Variants in NEBL observed in about 807,000 individuals in gnomAD.
NEBL encodes nebulette.
In NEBL, 122 loss-of-function variants were observed where a neutral mutation model predicts 140.2. The ratio of observed to expected loss-of-function variants is 0.87; its 90% CI spans 0.75 to 1.01. NEBL has a LOEUF of 1.01. NEBL is among the 50% of genes least tolerant of loss of function. The pLI is 0.00. For missense variants in NEBL, 1,365 were observed against 1,231.3 expected (o/e 1.11, Z -1.62); for synonymous variants, 436 against 398.9 (o/e 1.09, Z -1.11).
intron 2 of NEBL, among the ~76,000 whole-genome samples, chr10:21,150,232 T>C (rs1840084623): frequency 6.6e-6 from 1 of 152,252 alleles, no homozygotes; most frequent in African/African-American, 2.4e-5. Context: ...CTCATTTATG[T>C]GCGGCTTGCA....
upstream of NEBL, among the ~76,000 whole-genome samples, chr10:21,177,571 C>G (rs1162943766): frequency 1.3e-5 from 2 of 151,944 alleles, no homozygotes; most frequent in Non-Finnish European, 2.9e-5. Context: ...GCTCTGTCCC[C>G]CAGGCTGGAG....
intron 3 of NEBL, among the ~76,000 whole-genome samples, chr10:20,982,271 C>T (rs888543285): frequency 2.6e-5 from 4 of 152,216 alleles, no homozygotes; most frequent in Non-Finnish European, 5.9e-5. Flanking sequence ...TCAGATGGGA[C>T]TCCCCCTCTC....
rs11327218 is a variant in NEBL at position 21,279,756 on chromosome 10, TAA to T, written n.182+13072_182+13073del. 3.3e-3 allele frequency among the ~76,000 whole-genome samples: 442 copies of T among 135,614 alleles called. 1 individual carries two copies. The highest frequency in any genetic ancestry group is 4.2e-3 in the Admixed American group (56 of 13,462). 89.0% of individuals were successfully genotyped at this position (135,614 alleles called of 152,430 possible). ...CTGGGTGACAGAGCCAGAATCCATA[TAA>T]AAAAAAAAAAAAAAAGTAAAAACCA... is the stretch of plus-strand genomic sequence containing the variant. On this transcript the variant is annotated intron_variant and non_coding_transcript_variant, in intron 1 of 8. Coordinates refer to the NEBL transcript ENST00000675702.
At chr10:21,131,930 G>A (rs758427496) in intron 2 of NEBL, among the ~76,000 whole-genome samples, 1 of 152,054 alleles carries the variant, frequency 6.6e-6, no homozygotes, top group Non-Finnish European at 1.5e-5. Context: ...CTGCAAAAAG[G>A]CAGATACAGC....
chr10:21,202,450 C>A (rs911877949), intron 3 of NEBL, among the ~76,000 whole-genome samples: 5 of 133,320 alleles, frequency 3.8e-5, no homozygotes, highest in Non-Finnish European at 8.0e-5. Context: ...TCTAATTTTT[C>A]TTTTCTTTTT....
chr10:20,980,445 T>TGG, intron 3 of NEBL, among the ~76,000 whole-genome samples: 1 of 151,760 alleles, frequency 6.6e-6, no homozygotes, highest in African/African-American at 2.4e-5. Flanking sequence ...GAAAGAAAAG[T>TGG]AGAGAAGAAA....
intron 3 of NEBL, among the ~76,000 whole-genome samples, chr10:20,994,024 A>G (rs910150335): frequency 6.6e-6 from 1 of 152,208 alleles, no homozygotes; most frequent in Non-Finnish European, 1.5e-5. Flanking sequence ...AACTGCAGCC[A>G]TCTCACAACA....
rs1218170492 is a variant in NEBL at position 20,974,427 on chromosome 10, T to C, written c.250-12648A>G. Among the ~76,000 whole-genome samples the C allele has an allele frequency of 6.6e-5, 10 of 151,912 alleles. No homozygotes were observed. In the East Asian group the frequency reaches 1.9e-3, roughly 29 times the overall value. On this transcript the variant is annotated intron_variant, in intron 3 of 6. Coordinates refer to the NEBL transcript ENST00000417816. The stretch of plus-strand genomic sequence containing the variant: ...CTCCACCACATCCAGCTAATTTTTG[T>C]ATTTTGCGTAAAGATGGGGTTTTGC...
chr10:21,151,249 A>G (rs1564528618), intron 2 of NEBL, among the ~76,000 whole-genome samples: 1 of 152,212 alleles, frequency 6.6e-6, no homozygotes, highest in Non-Finnish European at 1.5e-5. Context: ...TGCTTCAGTC[A>G]ACAGTCATGA....
chr10:21,236,225 T>C (rs1242033974), intron 3 of NEBL, among the ~76,000 whole-genome samples: 1 of 152,226 alleles, frequency 6.6e-6, no homozygotes, highest in Non-Finnish European at 1.5e-5. Flanking sequence ...TTTGGAGTTA[T>C]AGCTAGAAAT....
intron 1 of NEBL, among the ~76,000 whole-genome samples, chr10:21,256,265 A>G (rs905572248): frequency 2.0e-5 from 3 of 151,960 alleles, no homozygotes; most frequent in Non-Finnish European, 2.9e-5. Flanking sequence ...ATGGGGTGTC[A>G]CCTTGTTGGC....
At chr10:20,944,622 C>G (rs1188610956) in intron 4 of NEBL, among the ~76,000 whole-genome samples, 4 of 152,158 alleles carry the variant, frequency 2.6e-5, no homozygotes, top group African/African-American at 9.7e-5. Context: ...CACCTGCCAA[C>G]CTGAGAGCAT....
At chr10:21,197,024 T>A (rs1477567774) in intron 3 of NEBL, among the ~76,000 whole-genome samples, 3 of 152,252 alleles carry the variant, frequency 2.0e-5, no homozygotes, top group African/African-American at 4.8e-5. Flanking sequence ...GTGATGGATC[T>A]CATAGTTACA....
chr10:20,992,680 C>G (rs1301003263), intron 3 of NEBL, among the ~76,000 whole-genome samples: 1 of 151,630 alleles, frequency 6.6e-6, no homozygotes, highest in Admixed American at 6.6e-5. Flanking sequence ...TGCCTTCCTT[C>G]CCTGAGCTAC....
intron 4 of NEBL, among the ~76,000 whole-genome samples, chr10:20,938,215 C>A (rs574491322): frequency 3.3e-5 from 5 of 152,186 alleles, no homozygotes; most frequent in Non-Finnish European, 5.9e-5. Context: ...ACACCTCACA[C>A]GGCTGGGTAC....
At chr10:21,087,842 G>A (rs897949230) in intron 2 of NEBL, among the ~76,000 whole-genome samples, 4 of 152,118 alleles carry the variant, frequency 2.6e-5, no homozygotes, top group Middle Eastern at 3.2e-3. Flanking sequence ...AATGACTTAC[G>A]TGGAAATTAC....
upstream of NEBL, chr10:21,174,449 C>G (rs924156977): frequency 2.6e-5 from 4 of 152,326 alleles, no homozygotes; most frequent in African/African-American, 9.6e-5. Flanking sequence ...CTCAAACCCG[C>G]GTACTCCCTT....
chr10:21,024,937 A>G (rs939398775), intron 2 of NEBL, among the ~76,000 whole-genome samples: 2 of 152,270 alleles, frequency 1.3e-5, no homozygotes, highest in Non-Finnish European at 2.9e-5. Context: ...GTAGCACCAT[A>G]CAATTAATTC....
chr10:21,088,219 G>C (rs1373465633), intron 2 of NEBL, among the ~76,000 whole-genome samples: 1 of 152,194 alleles, frequency 6.6e-6, no homozygotes, highest in Non-Finnish European at 1.5e-5. Context: ...CAAAACTTCT[G>C]TCCAGGCACA....
Sources: gnomAD v4.1 joint callset for allele counts (sites outside exome capture counted in the v4.1 genomes callset) on GRCh38, gnomAD v4.1.1 for gene constraint, MANE v1.5 for transcripts, NCBI Gene and HGNC (gene_info 2026-07-23, HGNC 2026-07-21) for gene names.